Variants in FER1L5 observed in about 807,000 individuals in gnomAD.
The protein encoded by FER1L5 is fer-1-like protein 5.
Under a neutral mutation model 279.9 loss-of-function variants are expected in FER1L5, and 187 were observed. The ratio of observed to expected loss-of-function variants is 0.67; its 90% CI spans 0.59 to 0.75. FER1L5 has a LOEUF of 0.75. Among genes scored for constraint, FER1L5 ranks in the 30% least tolerant of loss-of-function variants. The pLI, the probability that FER1L5 is intolerant of heterozygous loss-of-function variation, is 0.00. For synonymous variants in FER1L5, 921 were observed against 989.7 expected (o/e 0.93, Z 1.30); for missense variants, 2,091 against 2,594.4 (o/e 0.81, Z 4.21).
chr2:96,662,250 G>A lies in FER1L5; in HGVS notation c.1054G>A (p.Glu352Lys), dbSNP rs949553646. ...GTCAGTGAATCCTCAGTTGGAGGTG[G>A]AACTAATTGGGGAAAAGGTAAGTGT... ...HQSVNPQLEV[E>K]LIGEKLRTHM... The change falls in exon 13 of 53, where the codon GAA (glutamate) becomes AAA (lysine). Residue 352 changes from glutamate to lysine, a missense_variant. Coordinates refer to ENST00000624922, the MANE Select transcript of FER1L5 (RefSeq NM_001293083.2). 1 of 1,551,468 alleles carries A rather than the reference G, an allele frequency of 6.4e-7. No individual in the cohort carries two copies. The highest frequency in any genetic ancestry group is 8.7e-7 in the Non-Finnish European group (1 of 1,146,934).
At chr2:96,704,173 T>C in intron 51 of FER1L5, 42 bp from the exon 52 acceptor site, 1 of 1,606,154 alleles carries the variant, frequency 6.2e-7, no homozygotes. Flanking sequence ...GACCTGAAGG[T>C]TCTCCCTGCC....
chr2:96,697,798 T>C (rs1388649191), intron 39 of FER1L5, 37 bp downstream of exon 39: 2 of 1,606,130 alleles, frequency 1.2e-6, no homozygotes, highest in South Asian at 2.2e-5. Flanking sequence ...GAATCAAATC[T>C]CCCACTGGAG....
intron 42 of FER1L5, 145 bp from the exon 43 acceptor site, chr2:96,699,405 T>C (rs1340359776): frequency 5.9e-6 from 6 of 1,008,948 alleles, no homozygotes; most frequent in African/African-American, 4.8e-5. Context: ...GGGATGGCGA[T>C]TGGCAGAAGG....
chr2:96,702,390 C>T lies in FER1L5; in HGVS notation c.5244C>T (p.Ile1748=). 1 of 1,611,622 alleles carries T rather than the reference C, an allele frequency of 6.2e-7. No individual in the cohort carries two copies. The highest frequency in any genetic ancestry group is 8.5e-7 in the Non-Finnish European group (1 of 1,178,980). Residue 1748 remains isoleucine, a synonymous_variant, in exon 47 of 53, where the codon ATC becomes ATT. Transcript: ENST00000624922. This position sits in a 1 kb window ranked among gnomAD's most constrained non-coding sequence, Gnocchi z 4.0. ...DNLSREKTSD[I]YIKGWLYGLE... is the part of the protein sequence containing the mutation. ...TAAGTAGAGAGAAGACGAGCGACAT[C>T]TACATCAAAGGGTAGGGAAGAGGAG...
chr2:96,688,087 G>A, intron 24 of FER1L5, 140 bp downstream of exon 24: 1 of 1,181,684 alleles, frequency 8.5e-7, no homozygotes, highest in Non-Finnish European at 1.2e-6. Context: ...CTGCACTGAA[G>A]AGGAAGAAAA....
At chr2:96,685,298 GCT>G in intron 20 of FER1L5, 29 bp from the exon 21 acceptor site, 2 of 1,540,234 alleles carry the variant, frequency 1.3e-6, no homozygotes, top group African/African-American at 1.4e-5. Context: ...GCTGAGGCGG[GCT>G]CTCTCACCAT....
chr2:96,676,796 A>T (rs1307485196), intron 19 of FER1L5, among the ~76,000 whole-genome samples: 1 of 152,180 alleles, frequency 6.6e-6, no homozygotes. Context: ...ATTATATGTA[A>T]TATACCATGC....
At chr2:96,647,706 G>T in intron 3 of FER1L5, 72 bp from the exon 4 acceptor site, 1 of 1,144,368 alleles carries the variant, frequency 8.7e-7, no homozygotes. Flanking sequence ...TCTAGCTAAA[G>T]CCCTGCCCGG....
chr2:96,698,015 AG>A lies in FER1L5; in HGVS notation c.4237-19del. The stretch of plus-strand genomic sequence containing the variant: ...ATCACGGGAACAGTCTCCACCAGCC[AG>A]GGTTCCACACACCTCTGCAGGTGTA... On this transcript the variant is annotated intron_variant, in intron 39 of 52. Coordinates refer to ENST00000624922, the MANE Select transcript of FER1L5 (RefSeq NM_001293083.2). This position sits in a 1 kb window ranked among gnomAD's most constrained non-coding sequence, Gnocchi z 5.5. 6.5e-7 allele frequency: 1 copy of A among 1,550,280 alleles called. No individual in the cohort carries two copies. The highest frequency in any genetic ancestry group is 2.4e-5 in the East Asian group (1 of 41,088).
At position 96,662,222 on chromosome 2, in the gene FER1L5, C is replaced by A; in HGVS notation, c.1026C>A (p.His342Gln). 2 of 1,551,478 alleles carry A rather than the reference C, an allele frequency of 1.3e-6. No individual in the cohort carries two copies. Among genetic ancestry groups the A allele is most frequent in the Non-Finnish European group, 1.7e-6 (2 of 1,146,906 alleles). Residue 342 changes from histidine to glutamine, a missense_variant, in exon 13 of 53, where the codon CAC becomes CAA. By Grantham distance (24) the His-to-Gln change is conservative (BLOSUM62 0). Coordinates refer to ENST00000624922, the MANE Select transcript of FER1L5 (RefSeq NM_001293083.2). Reference sequence around the variant, plus strand: ...TTAACTTGTTGTTCATAGAGAAACACCAGTCAGTGAATCCTCAGTTGGAGG... The same window carrying A: ...TTAACTTGTTGTTCATAGAGAAACAACAGTCAGTGAATCCTCAGTTGGAGG... ...YCAEDLHLKK[H>Q]QSVNPQLEVE...
Position 96,698,883 on chromosome 2 carries a change from C to T in FER1L5, c.4518+51C>T, listed in dbSNP as rs2077484094. 1.3e-6 allele frequency: 2 copies of T among 1,544,336 alleles called. No homozygotes were observed. On this transcript the variant is annotated intron_variant, in intron 41 of 52. Coordinates refer to ENST00000624922, the MANE Select transcript of FER1L5 (RefSeq NM_001293083.2). The surrounding 1 kb of genome is among the most constrained non-coding windows in gnomAD (Gnocchi z 5.5). ...AGGTGCCCCGCACGCTCCCCTCAAC[C>T]CATCTCTGGGAGCCCCCTCCGACTG...
chr2:96,684,204 T>C (rs1166803913), intron 19 of FER1L5, 123 bp from the exon 20 acceptor site: 2 of 1,304,566 alleles, frequency 1.5e-6, no homozygotes, highest in African/African-American at 3.0e-5. Context: ...CAGTCAGCAT[T>C]GTTAGCAGGT....
Position 96,689,179 on chromosome 2 carries a change from G to T in FER1L5, c.2362-34G>T. On this transcript the variant is annotated intron_variant, in intron 24 of 52. Transcript: ENST00000624922. The surrounding 1 kb of genome is among the most constrained non-coding windows in gnomAD (Gnocchi z 4.6). Reference sequence around the variant, plus strand: ...CATGTCCCCGCACTTTGTGCTAGAGGAGGCGGCCGCCCTGACAAGCTTCCC... The same window carrying T: ...CATGTCCCCGCACTTTGTGCTAGAGTAGGCGGCCGCCCTGACAAGCTTCCC... 4 of 1,544,692 alleles carry T rather than the reference G, an allele frequency of 2.6e-6. No individual in the cohort carries two copies. The highest frequency in any genetic ancestry group is 2.6e-6 in the Non-Finnish European group (3 of 1,144,794).
At chr2:96,655,531 A>G (rs917817302) in intron 9 of FER1L5, among the ~76,000 whole-genome samples, 4 of 152,206 alleles carry the variant, frequency 2.6e-5, no homozygotes, top group Admixed American at 1.3e-4. Flanking sequence ...TAAATCTACA[A>G]TGTTAGGAAA....
intron 19 of FER1L5, 56 bp from the exon 20 acceptor site, chr2:96,684,271 G>A (rs988820743): frequency 1.3e-6 from 2 of 1,532,792 alleles, no homozygotes; most frequent in Non-Finnish European, 1.8e-6. Context: ...ACAGTGAGAA[G>A]AGACCTCCCA....
intron 9 of FER1L5, among the ~76,000 whole-genome samples, chr2:96,659,194 A>G (rs1172113474): frequency 1.3e-5 from 2 of 151,652 alleles, no homozygotes; most frequent in Non-Finnish European, 2.9e-5. Flanking sequence ...CAGCCTCCCA[A>G]AGTGCTGGGA....
chr2:96,686,490 G>A (rs577637049), intron 23 of FER1L5, 140 bp downstream of exon 23: 49 of 959,344 alleles, frequency 5.1e-5, no homozygotes, highest in Non-Finnish European at 2.3e-5. Flanking sequence ...ACAGTCCCCA[G>A]AGGAAGAGAG....
At chr2:96,648,837 C>T (rs958996770) in intron 4 of FER1L5, among the ~76,000 whole-genome samples, 2 of 152,212 alleles carry the variant, frequency 1.3e-5, no homozygotes, top group African/African-American at 4.8e-5. Context: ...GATGGACACA[C>T]AATATTGTTG....
At position 96,703,052 on chromosome 2, in the gene FER1L5, C is replaced by T. The variant is rs1344326186; in HGVS notation, c.5472C>T (p.Asp1824=). Residue 1824 remains aspartate, a synonymous_variant, in exon 49 of 53, where the codon GAC becomes GAT. Coordinates refer to ENST00000624922, the MANE Select transcript of FER1L5 (RefSeq NM_001293083.2). ...TTATCATCCAGGTCTGGGACAATGACATCTTCTCCCCCGACGACTTCCTAG... is the reference window on the plus strand; with the variant it reads ...TTATCATCCAGGTCTGGGACAATGATATCTTCTCCCCCGACGACTTCCTAG... ...ARLIIQVWDN[D]IFSPDDFLGV... is the part of the protein sequence containing the mutation. 1.2e-6 allele frequency: 2 copies of T among 1,613,634 alleles called. No individual in the cohort carries two copies. The highest frequency in any genetic ancestry group is 1.7e-6 in the Non-Finnish European group (2 of 1,179,764).
Sources: gnomAD v4.1 joint callset for allele counts (sites outside exome capture counted in the v4.1 genomes callset) on GRCh38, gnomAD v4.1.1 for gene constraint, Gnocchi (gnomAD v3.1) non-coding constraint, MANE v1.5 for transcripts, NCBI Gene and HGNC (gene_info 2026-07-23, HGNC 2026-07-21) for gene names.